Variants in NPEPPS observed in about 807,000 individuals in gnomAD.
NPEPPS encodes the protein aminopeptidase puromycin sensitive, also known as puromycin-sensitive aminopeptidase.
In NPEPPS, 14 loss-of-function variants were observed where a neutral mutation model predicts 115.5. The observed-to-expected ratio is 0.12, with a 90% confidence interval of 0.08 to 0.19. The LOEUF (loss-of-function observed/expected upper bound fraction) is 0.19, where lower values mean the gene tolerates loss of function less well. Among genes scored for constraint, NPEPPS ranks in the 10% least tolerant of loss-of-function variants. NPEPPS has a pLI of 1.00. For missense variants in NPEPPS, 523 were observed against 1,110.8 expected (o/e 0.47, Z 7.52); for synonymous variants, 285 against 390.6 (o/e 0.73, Z 3.19).
chr17:47,568,994 C>G (rs374722460), intron 2 of NPEPPS, among the ~76,000 whole-genome samples: 12 of 152,270 alleles, frequency 7.9e-5, no homozygotes, highest in African/African-American at 2.4e-4. Flanking sequence ...TGATTTATAT[C>G]TTAGTTTGAA....
intron 2 of NPEPPS, among the ~76,000 whole-genome samples, chr17:47,565,969 C>G (rs1448153414): frequency 1.3e-5 from 2 of 152,182 alleles, no homozygotes; most frequent in Admixed American, 6.5e-5. Context: ...AGCATGACTT[C>G]TAGTTATTGT....
intron 19 of NPEPPS, among the ~76,000 whole-genome samples, chr17:47,616,239 G>A (rs1374103354): frequency 6.6e-6 from 1 of 152,142 alleles, no homozygotes; most frequent in Non-Finnish European, 1.5e-5. Context: ...CCAAGGTCCT[G>A]TCTATTTTAC....
chr17:47,599,542 G>A, intron 13 of NPEPPS, 134 bp from the exon 14 acceptor site: 1 of 662,514 alleles, frequency 1.5e-6, no homozygotes, highest in South Asian at 2.0e-5. Context: ...ATTGCATTTT[G>A]TATACTCATG....
intron 2 of NPEPPS, among the ~76,000 whole-genome samples, chr17:47,547,980 C>T (rs1338163882): frequency 1.3e-5 from 2 of 152,090 alleles, no homozygotes; most frequent in Non-Finnish European, 2.9e-5. Context: ...GAGCCGAGAT[C>T]GCGCCACTGC....
intron 3 of NPEPPS, among the ~76,000 whole-genome samples, chr17:47,575,900 G>A (rs1911493762): frequency 6.6e-6 from 1 of 151,874 alleles, no homozygotes. Flanking sequence ...GAGCCACCAC[G>A]CCCCACCGAC....
chr17:47,622,624 C>T lies in NPEPPS; in HGVS notation c.*704C>T. 1 of 293,918 alleles carries T rather than the reference C, an allele frequency of 3.4e-6. No homozygotes were observed. The highest frequency in any genetic ancestry group is 6.4e-6 in the Non-Finnish European group (1 of 155,408). 18.2% of individuals were successfully genotyped at this position (293,918 alleles called of 1,614,324 possible). A position where few individuals can be genotyped will look rare whatever the true frequency, so the allele number is the denominator to read the frequency against. On this transcript the variant is annotated 3_prime_UTR_variant, in exon 23 of 23. Coordinates refer to ENST00000322157, the MANE Select transcript of NPEPPS (RefSeq NM_006310.4). ...TCCTCCCTTTAGTTCCACCCCCAAC[C>T]CCCATTCCCTGGTGTCCTTCTTAGA... is the stretch of plus-strand genomic sequence containing the variant.
intron 15 of NPEPPS, among the ~76,000 whole-genome samples, chr17:47,603,253 A>C (rs1371332110): frequency 6.6e-6 from 1 of 152,014 alleles, no homozygotes; most frequent in Non-Finnish European, 1.5e-5. Flanking sequence ...CTCTCCTAAA[A>C]ATTACAAAAT....
Position 47,601,130 on chromosome 17 carries a change from G to A in NPEPPS, c.1601-478G>A, listed in dbSNP as rs999007078. Reference sequence around the variant, plus strand: ...CACACCTGTAGTCCCAGCTACTCAGGAAGCTGAGGCACAAGAACTTCTTGA... The same window carrying A: ...CACACCTGTAGTCCCAGCTACTCAGAAAGCTGAGGCACAAGAACTTCTTGA... On this transcript the variant is annotated intron_variant, in intron 14 of 22. Transcript: ENST00000322157. 2.0e-5 allele frequency among the ~76,000 whole-genome samples: 3 copies of A among 152,028 alleles called. No homozygotes were observed. The South Asian group carries it at 6.2e-4, about 32-fold the overall frequency.
chr17:47,583,531 G>A (rs1304925325), intron 5 of NPEPPS, among the ~76,000 whole-genome samples: 1 of 151,830 alleles, frequency 6.6e-6, no homozygotes, highest in Non-Finnish European at 1.5e-5. Context: ...TTTGTAGTGA[G>A]CTGAGATCAC....
intron 8 of NPEPPS, 86 bp downstream of exon 8, chr17:47,586,484 T>C (rs1369516916): frequency 2.2e-5 from 20 of 900,558 alleles, no homozygotes; most frequent in Non-Finnish European, 3.3e-5. Flanking sequence ...TTGAGTAGCT[T>C]CTGCTTTACG....
At chr17:47,539,932 G>A (rs1324203980) in intron 1 of NPEPPS, among the ~76,000 whole-genome samples, 1 of 152,028 alleles carries the variant, frequency 6.6e-6, no homozygotes, top group African/African-American at 2.4e-5. Context: ...ACTGGCATTT[G>A]GAATTGTCAC....
chr17:47,549,462 G>T (rs1476082540), intron 2 of NPEPPS, among the ~76,000 whole-genome samples: 1 of 152,084 alleles, frequency 6.6e-6, no homozygotes, highest in Non-Finnish European at 1.5e-5. Context: ...AAGAGAATGG[G>T]AAGTTGTATG....
rs1348283960 is a variant in NPEPPS, at chr17:47,622,941, TA to T, written c.*1023del. The T allele has an allele frequency of 1.1e-5, 5 of 455,886 alleles. No homozygotes were observed. Among genetic ancestry groups the T allele is most frequent in the Admixed American group, 2.4e-5 (1 of 42,530 alleles). The allele number at this position is 455,886 out of a possible 1,614,324, so 28.2% of individuals were successfully genotyped here. A position where few individuals can be genotyped will look rare whatever the true frequency, so the allele number is the denominator to read the frequency against. On this transcript the variant is annotated 3_prime_UTR_variant, in exon 23 of 23. Transcript: ENST00000322157. ...AGTCAGTGGTAACTGCTGCAGGGCT[TA>T]ATACATTAGTGGTAACTGGTTTAAA... is the stretch of plus-strand genomic sequence containing the variant.
chr17:47,551,038 T>C (rs1180864904), intron 2 of NPEPPS, among the ~76,000 whole-genome samples: 5 of 152,226 alleles, frequency 3.3e-5, no homozygotes, highest in African/African-American at 4.8e-5. Flanking sequence ...ATCAGTTTCT[T>C]GTTATAAGAC....
Position 47,622,048 on chromosome 17 carries a change from T to C in NPEPPS, c.*128T>C, listed in dbSNP as rs1914607152. 2 of 1,320,506 alleles carry C rather than the reference T, an allele frequency of 1.5e-6. No homozygotes were observed. The highest frequency in any genetic ancestry group is 9.7e-7 in the Non-Finnish European group (1 of 1,030,474). The allele number at this position is 1,320,506 out of a possible 1,614,324, so 81.8% of individuals were successfully genotyped here. On this transcript the variant is annotated 3_prime_UTR_variant, in exon 23 of 23. Transcript: ENST00000322157. ...AAACCAGTGGGGGTTGGACAATGAA[T>C]GTAGTTAACTGGTTCCTGCTCACAC...
intron 1 of NPEPPS, among the ~76,000 whole-genome samples, chr17:47,545,297 CTTTAATAGT>C (rs1909119758): frequency 6.6e-6 from 1 of 152,166 alleles, no homozygotes; most frequent in Non-Finnish European, 1.5e-5. Context: ...GTGCCCAGCC[CTTTAATAGT>C]TTAAAGTCAA....
At chr17:47,594,920 C>G (rs1912764375) in intron 12 of NPEPPS, among the ~76,000 whole-genome samples, 1 of 148,008 alleles carries the variant, frequency 6.8e-6, no homozygotes, top group African/African-American at 2.5e-5. Context: ...GCGTGAGCCA[C>G]CGCGCCTGGC....
In NPEPPS at chr17:47,582,535, C is replaced by T. The variant is rs549241071; in HGVS notation, c.541-207C>T. 41 of 599,078 alleles carry T rather than the reference C, an allele frequency of 6.8e-5. No homozygotes were observed. The African/African-American group carries it at 7.3e-4, about 11-fold the overall frequency. 37.1% of individuals were successfully genotyped at this position (599,078 alleles called of 1,614,324 possible). On this transcript the variant is annotated intron_variant, in intron 4 of 22. Coordinates refer to ENST00000322157, the MANE Select transcript of NPEPPS (RefSeq NM_006310.4). ...ATATTGTTAAAATCCATAGCAGACA[C>T]TGTTCCTGGATATTTGCTGGAATGG...
intron 1 of NPEPPS, among the ~76,000 whole-genome samples, chr17:47,538,308 T>C (rs922907259): frequency 7.1e-6 from 1 of 140,504 alleles, no homozygotes; most frequent in African/African-American, 2.6e-5. Context: ...TCCACTTCCC[T>C]AGTTCAAGGG....
Sources: allele counts gnomAD v4.1 joint callset (sites outside exome capture counted in the v4.1 genomes callset), GRCh38; gene constraint gnomAD v4.1.1; transcripts MANE v1.5; gene names NCBI Gene and HGNC (gene_info 2026-07-23, HGNC 2026-07-21).